Variants in BANP observed in about 807,000 individuals in gnomAD.
BANP encodes protein BANP.
A neutral mutation model predicts 68.1 loss-of-function variants in BANP; 11 were observed. The ratio of observed to expected loss-of-function variants is 0.16; its 90% CI spans 0.10 to 0.27. The LOEUF (loss-of-function observed/expected upper bound fraction) is 0.27. BANP is among the 10% of genes least tolerant of loss of function. The pLI, the probability that BANP is intolerant of heterozygous loss-of-function variation, is 1.00. For missense variants in BANP, 504 were observed against 722.7 expected, an observed-to-expected ratio of 0.70 and a Z score of 3.47; for synonymous variants, 329 against 303.2, an observed-to-expected ratio of 1.09 and a Z score of -0.88.
At chr16:88,059,520 G>A (rs1405192763) in intron 11 of BANP, among the ~76,000 whole-genome samples, 1 of 152,096 alleles carries the variant, frequency 6.6e-6, no homozygotes, top group East Asian at 1.9e-4. Context: ...TTATTGAGTT[G>A]CTTTTTAAGG....
At chr16:87,959,398 G>C (rs2058690258) in intron 1 of BANP, among the ~76,000 whole-genome samples, 1 of 152,282 alleles carries the variant, frequency 6.6e-6, no homozygotes, top group Non-Finnish European at 1.5e-5. Context: ...CTGACCTAGA[G>C]TGTGTTTGCC....
intron 11 of BANP, among the ~76,000 whole-genome samples, chr16:88,039,064 T>C (rs970932681): frequency 6.6e-5 from 10 of 152,192 alleles, no homozygotes; most frequent in Admixed American, 6.5e-4. Flanking sequence ...CAGAAGGGCA[T>C]GTGCTCCCGT....
chr16:88,056,970 T>C (rs1343512677), intron 11 of BANP, among the ~76,000 whole-genome samples: 3 of 152,206 alleles, frequency 2.0e-5, no homozygotes, highest in Admixed American at 6.5e-5. Context: ...CATGAAAACA[T>C]ATAGAACAGT....
At chr16:88,031,398 T>A (rs1232973850) in intron 8 of BANP, among the ~76,000 whole-genome samples, 1 of 152,098 alleles carries the variant, frequency 6.6e-6, no homozygotes. Context: ...AATCCCAGCA[T>A]TTTGGGAGGC....
chr16:88,041,768 C>A (rs141494100), intron 11 of BANP, among the ~76,000 whole-genome samples: 2,123 of 152,324 alleles, frequency 0.014, 55 homozygotes, highest in African/African-American at 0.049. Context: ...CACAGCTGTT[C>A]GTTGACTCTG....
Position 88,071,803 on chromosome 16 carries a change from CT to C in BANP, c.1378-260del. 1 of 668,924 alleles carries C rather than the reference CT, an allele frequency of 1.5e-6. No homozygotes were observed. Among genetic ancestry groups the C allele is most frequent in the Non-Finnish European group, 2.7e-6 (1 of 364,576 alleles). 41.4% of individuals were successfully genotyped at this position (668,924 alleles called of 1,614,324 possible). A position where few individuals can be genotyped will look rare whatever the true frequency, so the allele number is the denominator to read the frequency against. ...CTCTGCCTTGCTTTTTTTTTTTTCC[CT>C]TTTTTCTGCTCTGTAGGTGCTTGAG... On this transcript the variant is annotated intron_variant, in intron 12 of 13. Coordinates refer to ENST00000682872, the MANE Select transcript of BANP (RefSeq NM_001386991.1). The surrounding 1 kb of genome is among the most constrained non-coding windows in gnomAD (Gnocchi z 6.5).
At chr16:87,964,234 C>G (rs1221195259) in intron 1 of BANP, among the ~76,000 whole-genome samples, 1 of 152,260 alleles carries the variant, frequency 6.6e-6, no homozygotes, top group African/African-American at 2.4e-5. Flanking sequence ...TGTGTTCTCA[C>G]TGGACTCATC....
At chr16:88,039,252 G>A (rs1273984366) in intron 11 of BANP, among the ~76,000 whole-genome samples, 1 of 151,604 alleles carries the variant, frequency 6.6e-6, no homozygotes, top group Non-Finnish European at 1.5e-5. Context: ...CTGGAAAAGA[G>A]CCAAAGGAAT....
intron 3 of BANP, among the ~76,000 whole-genome samples, chr16:87,982,096 T>A (rs2063380622): frequency 6.6e-6 from 1 of 152,264 alleles, no homozygotes; most frequent in Admixed American, 6.5e-5. Context: ...AATGCCTGTT[T>A]CCAACCAATG....
At chr16:87,996,063 T>G (rs994788148) in intron 4 of BANP, among the ~76,000 whole-genome samples, 25 of 152,206 alleles carry the variant, frequency 1.6e-4, no homozygotes. Context: ...AGCATCTCCA[T>G]GTCAGTTGAG....
intron 10 of BANP, among the ~76,000 whole-genome samples, chr16:88,035,813 A>G (rs975567201): frequency 5.9e-5 from 9 of 152,124 alleles, no homozygotes; most frequent in Non-Finnish European, 7.4e-5. Context: ...AGTGGCCTCT[A>G]CGGGATTAGT....
intron 11 of BANP, among the ~76,000 whole-genome samples, chr16:88,050,751 C>T (rs1377078567): frequency 1.3e-5 from 2 of 152,062 alleles, no homozygotes; most frequent in African/African-American, 4.8e-5. Flanking sequence ...TGCAGTGGTG[C>T]AGTCACGGCT....
chr16:87,968,146 A>G lies in BANP; in HGVS notation c.-68-6902A>G, dbSNP rs531643221. Reference sequence around the variant, plus strand: ...AAACGTTTTAAATGCACCAATGCCAAGGTTGGCTGGGTGGCTTTTGACTGA... The same window carrying G: ...AAACGTTTTAAATGCACCAATGCCAGGGTTGGCTGGGTGGCTTTTGACTGA... On this transcript the variant is annotated intron_variant, in intron 1 of 13. Coordinates refer to ENST00000682872, the MANE Select transcript of BANP (RefSeq NM_001386991.1). Among the ~76,000 whole-genome samples, 36 of 152,098 alleles carry G rather than the reference A, an allele frequency of 2.4e-4. No homozygotes were observed. The South Asian group carries it at 7.5e-3, about 32-fold the overall frequency.
Position 88,066,310 on chromosome 16 carries a change from C to T in BANP, c.1377+978C>T, listed in dbSNP as rs144169197. On this transcript the variant is annotated intron_variant, in intron 12 of 13. Coordinates refer to ENST00000682872, the MANE Select transcript of BANP (RefSeq NM_001386991.1). ...AATGTCCAGGGAAAATTCCTCACCC[C>T]TGAGGCTGACATTACCAGCAGGCGG... 6.3e-3 allele frequency among the ~76,000 whole-genome samples: 963 copies of T among 151,880 alleles called. 4 individuals carry two copies. Among genetic ancestry groups the T allele is most frequent in the Non-Finnish European group, 0.01 (710 of 67,956 alleles).
At chr16:88,070,760 A>AT (rs1250534421) in intron 12 of BANP, among the ~76,000 whole-genome samples, 3 of 152,034 alleles carry the variant, frequency 2.0e-5, no homozygotes, top group South Asian at 2.1e-4. Context: ...ATTTTTTTGC[A>AT]TTTTTTTCTG....
chr16:88,069,977 C>T (rs551463302), intron 12 of BANP, among the ~76,000 whole-genome samples: 1 of 152,208 alleles, frequency 6.6e-6, no homozygotes, highest in East Asian at 1.9e-4. Context: ...CAGCCCCAGT[C>T]AGCATGCGGA....
At chr16:88,001,167 CATCT>C (rs201354694) in intron 4 of BANP, among the ~76,000 whole-genome samples, 1 of 108,720 alleles carries the variant, frequency 9.2e-6, no homozygotes, top group African/African-American at 4.0e-5. Context: ...CTTCCAGACA[CATCT>C]CCATGCACGC....
chr16:88,033,754 T>A (rs960090659), intron 9 of BANP, among the ~76,000 whole-genome samples: 1 of 152,188 alleles, frequency 6.6e-6, no homozygotes, highest in Non-Finnish European at 1.5e-5. Flanking sequence ...AGCAAGTCAA[T>A]GTCCTGCCTT....
At chr16:88,060,618 G>GCGTGGAGGCA (rs996357155) in intron 11 of BANP, among the ~76,000 whole-genome samples, 5 of 152,242 alleles carry the variant, frequency 3.3e-5, no homozygotes, top group African/African-American at 1.2e-4. Flanking sequence ...TCTGGAGGGT[G>GCGTGGAGGCA]CGTGGAGGCA....
Sources: allele counts gnomAD v4.1 joint callset (sites outside exome capture counted in the v4.1 genomes callset), GRCh38; gene constraint gnomAD v4.1.1; non-coding constraint Gnocchi (gnomAD v3.1); transcripts MANE v1.5; gene names NCBI Gene and HGNC (gene_info 2026-07-23, HGNC 2026-07-21).